Variants in TCF3 observed in about 807,000 individuals in gnomAD.
The protein encoded by TCF3 is transcription factor E2-alpha.
TCF3 carries 54 observed loss-of-function variants against 72.3 expected under a neutral mutation model. The observed-to-expected ratio is 0.75, with a 90% CI of 0.60 to 0.94. TCF3 has a LOEUF of 0.94. Ranked by LOEUF, TCF3 falls within the 40% of genes least tolerant of loss-of-function variation. The probability of loss-of-function intolerance (pLI) is 0.00; values close to 1 mark genes in which losing one functional copy is unlikely to be tolerated. For missense variants in TCF3, 1,078 were observed against 934.4 expected, an observed-to-expected ratio of 1.15 and a Z score of -2.00; for synonymous variants, 525 against 412.6, an observed-to-expected ratio of 1.27 and a Z score of -3.30.
chr19:1,625,631 C>T lies in TCF3; in HGVS notation c.444G>A (p.Gln148=), dbSNP rs1329229632. The change falls in exon 7 of 19, where the codon CAG becomes CAA. Residue 148 remains glutamine (Q), a synonymous_variant. Transcript: ENST00000262965. ...LSPSGMKGTS[Q]YYPSYSGSSR... is the part of the protein sequence containing the mutation. The stretch of plus-strand genomic sequence containing the variant: ...AGCTGCCGGAGTAGGAGGGGTAGTA[C>T]TGGGAGGTCCCCTTCATGCCCGAAG... The T allele has an allele frequency of 6.4e-7, 1 of 1,563,536 alleles. No homozygotes were observed. The highest frequency in any genetic ancestry group is 8.6e-7 in the Non-Finnish European group (1 of 1,159,180).
At chr19:1,650,081 T>A in intron 2 of TCF3, 96 bp downstream of exon 2, 2 of 1,228,742 alleles carry the variant, frequency 1.6e-6, no homozygotes, top group Non-Finnish European at 2.3e-6. Flanking sequence ...TGAGGCTCCA[T>A]CGCTGAAGTA....
At chr19:1,628,582 G>A (rs1365220438) in intron 5 of TCF3, among the ~76,000 whole-genome samples, 1 of 31,400 alleles carries the variant, frequency 3.2e-5, no homozygotes, top group Non-Finnish European at 4.9e-5. Context: ...GGCAGGAAGG[G>A]GACAGCAGAG....
At chr19:1,634,991 C>G (rs557399812) in intron 3 of TCF3, among the ~76,000 whole-genome samples, 1 of 152,290 alleles carries the variant, frequency 6.6e-6, no homozygotes, top group African/African-American at 2.4e-5. Flanking sequence ...AAAGACTGTC[C>G]AAGTGCCTTC....
chr19:1,652,013 C>T lies in TCF3; in HGVS notation c.-40+287G>A, dbSNP rs1321894995. Among the ~76,000 whole-genome samples the T allele has an allele frequency of 2.0e-5, 3 of 150,836 alleles. No homozygotes were observed. The East Asian group carries it at 5.9e-4, about 30-fold the overall frequency. ...CGCCTAAGTTGCACAGCCCGTCCGG[C>T]GCCCCCCGCGCCCCCGCCCGGGGCT... On this transcript the variant is annotated intron_variant, in intron 1 of 18. Transcript: ENST00000262965.
At position 1,614,361 on chromosome 19, in the gene TCF3, G is replaced by C. The variant is rs571888513; in HGVS notation, c.1822+924C>G. ...GCAAGCCCTGACGGGGGGCTTTGGG[G>C]GAGGAAACGCCCTGAGGTTGCAGCC... On this transcript the variant is annotated intron_variant, in intron 18 of 18. Transcript: ENST00000262965. This position sits in a 1 kb window ranked among gnomAD's most constrained non-coding sequence, Gnocchi z 5.6. Among the ~76,000 whole-genome samples, 25 of 152,330 alleles carry C rather than the reference G, an allele frequency of 1.6e-4. No homozygotes were observed. The highest frequency in any genetic ancestry group is 7.2e-4 in the Admixed American group (11 of 15,310).
At position 1,622,333 on chromosome 19, in the gene TCF3, G is replaced by T. The variant is rs551790548; in HGVS notation, c.632C>A (p.Pro211His). Residue 211 changes from proline (P) to histidine (H), a missense_variant, in exon 9 of 19, where the codon CCC (proline) becomes CAC (histidine). By Grantham distance (77) the Pro-to-His change is moderately conservative. Coordinates refer to ENST00000262965, the MANE Select transcript of TCF3 (RefSeq NM_003200.5). ...PSAKTPSSTY[P>H]APFYVADGSL... The stretch of plus-strand genomic sequence containing the variant: ...TGTACCTGCCACGTAGAAGGGGGCG[G>T]GATAGGTGCTGCTGGGGGTCTTGGC... 6 of 1,536,702 alleles carry T rather than the reference G, an allele frequency of 3.9e-6. No individual in the cohort carries two copies. In the South Asian group the frequency reaches 5.0e-5, roughly 13 times the overall value.
At position 1,632,123 on chromosome 19, in the gene TCF3, G is replaced by A. The variant is rs759802341; in HGVS notation, c.220-7C>T. ...GGGTGCCCTCGCTGAAGGTCTAGGGGAGATGGGGTGGGGATGAGAGGTGCT... is the reference window on the plus strand; with the variant it reads ...GGGTGCCCTCGCTGAAGGTCTAGGGAAGATGGGGTGGGGATGAGAGGTGCT... On this transcript the variant is annotated splice_region_variant and splice_polypyrimidine_tract_variant and intron_variant, in intron 4 of 18. Coordinates refer to ENST00000262965, the MANE Select transcript of TCF3 (RefSeq NM_003200.5). 13 of 1,612,082 alleles carry A rather than the reference G, an allele frequency of 8.1e-6. No individual in the cohort carries two copies. Among genetic ancestry groups the A allele is most frequent in the Non-Finnish European group, 1.0e-5 (12 of 1,179,218 alleles).
chr19:1,619,089 A>G (rs1445477696), intron 16 of TCF3, 22 bp downstream of exon 16: 1 of 1,598,982 alleles, frequency 6.3e-7, no homozygotes, highest in East Asian at 2.2e-5. Flanking sequence ...GGAGTCGGAC[A>G]GTCCCAAGCT....
intron 5 of TCF3, among the ~76,000 whole-genome samples, chr19:1,630,127 C>T (rs1221930267): frequency 3.3e-5 from 5 of 152,298 alleles, no homozygotes; most frequent in South Asian, 2.1e-4. Flanking sequence ...CATTGCTGGC[C>T]GGGCCGTGGG....
chr19:1,627,183 C>CGGT (rs1202058564), intron 6 of TCF3, among the ~76,000 whole-genome samples, 176 bp downstream of exon 6: 1 of 152,224 alleles, frequency 6.6e-6, no homozygotes, highest in African/African-American at 2.4e-5. Flanking sequence ...CACCTACCTC[C>CGGT]CCTCTGCTCC....
intron 1 of TCF3, chr19:1,651,256 G>A (rs1308254354): frequency 1.3e-5 from 3 of 227,130 alleles, no homozygotes; most frequent in African/African-American, 4.5e-5. Context: ...CCCAGGTGGG[G>A]ACGGGGGCAG....
chr19:1,643,505 A>T (rs896710074), intron 3 of TCF3, among the ~76,000 whole-genome samples: 1 of 149,716 alleles, frequency 6.7e-6, no homozygotes, highest in Non-Finnish European at 1.5e-5. Context: ...ATAGGCATGA[A>T]CCACTGTGTC....
Position 1,632,067 on chromosome 19 carries a change from G to A in TCF3, c.269C>T (p.Ser90Leu). ...GAGTCCCGGTCCCAGGAATGTGGAT[G>A]AAGAGAGGCTGCTGTGCGACTCAGT... ...HFTESHSSLSSSTFLGPGLGG... is the reference protein window; with the variant it reads ...HFTESHSSLSLSTFLGPGLGG... Residue 90 changes from serine to leucine, a missense_variant, in exon 5 of 19, where the codon TCA (serine) becomes TTA (leucine). By Grantham distance (145) the Ser-to-Leu change is moderately radical (BLOSUM62 -2). Transcript: ENST00000262965. 1 of 1,613,644 alleles carries A rather than the reference G, an allele frequency of 6.2e-7. No homozygotes were observed. The highest frequency in any genetic ancestry group is 2.2e-5 in the East Asian group (1 of 44,870).
At position 1,622,450 on chromosome 19, in the gene TCF3, G is replaced by A; in HGVS notation, c.550-35C>T. 3.6e-6 allele frequency: 4 copies of A among 1,119,154 alleles called. No individual in the cohort carries two copies. The South Asian group carries it at 4.8e-5, about 14-fold the overall frequency. The allele number at this position is 1,119,154 out of a possible 1,614,324, so 69.3% of individuals were successfully genotyped here. A position where few individuals can be genotyped will look rare whatever the true frequency, so the allele number is the denominator to read the frequency against. ...GGTGGGCGGTGGGGGGTGCAGTCAG[G>A]ACGGAGGGACCACGATCAGCCCATG... On this transcript the variant is annotated intron_variant, in intron 8 of 18. Transcript: ENST00000262965.
At chr19:1,646,717 G>A (rs1028709256) in intron 2 of TCF3, among the ~76,000 whole-genome samples, 1 of 152,206 alleles carries the variant, frequency 6.6e-6, no homozygotes, top group Admixed American at 6.5e-5. Context: ...AAAACTCGCT[G>A]TTCCCCCTGC....
rs10407479 is a variant in TCF3, at chr19:1,631,430, G to A, written c.298+608C>T. Among the ~76,000 whole-genome samples the A allele has an allele frequency of 4.9e-3, 746 of 152,148 alleles. 3 individuals are homozygous for A. Among genetic ancestry groups the A allele is most frequent in the African/African-American group, 0.017 (699 of 41,516 alleles). Reference sequence around the variant, plus strand: ...ACTATAAGCATCCAACACCATGACCGGCTAATTTTTGTGTTTTTGGTAGAA... The same window carrying A: ...ACTATAAGCATCCAACACCATGACCAGCTAATTTTTGTGTTTTTGGTAGAA... On this transcript the variant is annotated intron_variant, in intron 5 of 18. Transcript: ENST00000262965.
intron 16 of TCF3, among the ~76,000 whole-genome samples, chr19:1,617,856 C>T (rs1019807439): frequency 6.6e-6 from 1 of 152,204 alleles, no homozygotes; most frequent in Non-Finnish European, 1.5e-5. Context: ...CACTCCATGC[C>T]AGGAGCTCCC....
chr19:1,624,253 G>C (rs1039346489), intron 7 of TCF3, among the ~76,000 whole-genome samples: 2 of 152,090 alleles, frequency 1.3e-5, no homozygotes. Context: ...AAAAGTAGCC[G>C]GGCGTGGTGG....
rs141432924 is a variant in TCF3 at position 1,615,692 on chromosome 19, C to T, written c.1580G>A (p.Arg527Gln). 1.3e-4 allele frequency: 208 copies of T among 1,613,256 alleles called. No individual in the cohort carries two copies. The highest frequency in any genetic ancestry group is 1.2e-3 in the African/African-American group (93 of 74,984). Reference sequence around the variant, plus strand: ...CCGAGGGGTGGGTTGGCACCTGGTCCGGGCCCGGGGGGCCTTCAGCTCCTT... The same window carrying T: ...CCGAGGGGTGGGTTGGCACCTGGTCTGGGCCCGGGGGGCCTTCAGCTCCTT... ...EKKELKAPRA[R>Q]TSPDEDEDDL... The change falls in exon 17 of 19, where the codon CGG becomes CAG. Residue 527 changes from arginine to glutamine, a missense_variant. By Grantham distance (43) the Arg-to-Gln change is conservative. Coordinates refer to ENST00000262965, the MANE Select transcript of TCF3 (RefSeq NM_003200.5). This position sits in a 1 kb window ranked among gnomAD's most constrained non-coding sequence, Gnocchi z 7.3.
Sources: allele counts gnomAD v4.1 joint callset (sites outside exome capture counted in the v4.1 genomes callset), GRCh38; gene constraint gnomAD v4.1.1; non-coding constraint Gnocchi (gnomAD v3.1); transcripts MANE v1.5; gene names NCBI Gene and HGNC (gene_info 2026-07-23, HGNC 2026-07-21).